Variants in TRAK1 observed in about 807,000 individuals in gnomAD.
TRAK1 encodes the protein trafficking kinesin-binding protein 1.
In TRAK1, 33 loss-of-function variants were observed where a neutral mutation model predicts 92.1. That is an observed-to-expected ratio of 0.36 (90% CI 0.27 to 0.48). The LOEUF is 0.48. Among genes scored for constraint, TRAK1 ranks in the 20% least tolerant of loss-of-function variants. The pLI, the probability that TRAK1 is intolerant of heterozygous loss-of-function variation, is 0.99. For missense variants in TRAK1, 1,123 were observed against 1,257.9 expected, an observed-to-expected ratio of 0.89 and a Z score of 1.62; for synonymous variants, 521 against 517.3, an observed-to-expected ratio of 1.01 and a Z score of -0.10.
chr3:42,210,077 A>C (rs1429307665), intron 14 of TRAK1, 92 bp downstream of exon 14: 2 of 1,582,456 alleles, frequency 1.3e-6, no homozygotes, highest in African/African-American at 3.0e-5. Flanking sequence ...AGGAGCCGCC[A>C]GCGGCCACGG....
At chr3:42,064,707 A>G (rs947791092) in intron 1 of TRAK1, among the ~76,000 whole-genome samples, 4 of 152,208 alleles carry the variant, frequency 2.6e-5, no homozygotes, top group Admixed American at 1.3e-4. Flanking sequence ...TTGTGAATTA[A>G]TTTTACCATA....
chr3:42,118,538 C>A (rs1291553045), intron 1 of TRAK1, among the ~76,000 whole-genome samples: 1 of 152,250 alleles, frequency 6.6e-6, no homozygotes, highest in Admixed American at 6.5e-5. Flanking sequence ...CAGTGCAAAT[C>A]CCTAGACGGA....
At chr3:42,147,082 T>G (rs1216175188) in intron 2 of TRAK1, among the ~76,000 whole-genome samples, 1 of 152,152 alleles carries the variant, frequency 6.6e-6, no homozygotes, top group Admixed American at 6.5e-5. Context: ...AGGGGCTGTT[T>G]GGGAGCTTGC....
upstream of TRAK1, chr3:42,087,301 C>T (rs1030504782): frequency 1.3e-5 from 2 of 152,852 alleles, no homozygotes; most frequent in African/African-American, 2.4e-5. Context: ...CCATGCAGTC[C>T]TAGCCTGCAG....
intron 14 of TRAK1, among the ~76,000 whole-genome samples, chr3:42,216,167 TCTC>T (rs956829341): frequency 3.3e-5 from 5 of 152,134 alleles, no homozygotes; most frequent in Middle Eastern, 3.2e-3. Context: ...TGTGTCCCCT[TCTC>T]CTCACTGTGA....
At chr3:42,144,792 TAA>T (rs1393991501) in intron 2 of TRAK1, among the ~76,000 whole-genome samples, 1 of 151,618 alleles carries the variant, frequency 6.6e-6, no homozygotes, top group East Asian at 1.9e-4. Flanking sequence ...CTGTTACATA[TAA>T]AATTGTACTG....
At chr3:42,052,629 C>T (rs558822496) in intron 1 of TRAK1, among the ~76,000 whole-genome samples, 6 of 152,030 alleles carry the variant, frequency 3.9e-5, no homozygotes, top group Non-Finnish European at 7.4e-5. Context: ...GGCTACTCTG[C>T]GTCATGTGAA....
chr3:42,123,983 ATAAAAT>A (rs1371994815), intron 1 of TRAK1, among the ~76,000 whole-genome samples: 2 of 152,216 alleles, frequency 1.3e-5, no homozygotes, highest in East Asian at 3.9e-4. Context: ...TCTACAAAAA[ATAAAAT>A]TAGCTGGGTT....
intron 11 of TRAK1, 39 bp from the exon 12 acceptor site, chr3:42,200,779 C>T (rs144726986): frequency 1.4e-5 from 23 of 1,604,714 alleles, no homozygotes; most frequent in East Asian, 8.9e-5. Context: ...GGGTTGTGCC[C>T]GCATTTGCTC....
rs1433350611 is a variant in TRAK1 at position 42,223,245 on chromosome 3, C to G, written c.2370C>G (p.Pro790=). Residue 790 remains proline, a synonymous_variant, in exon 16 of 16, where the codon CCC becomes CCG. Transcript: ENST00000327628. This position sits in a 1 kb window ranked among gnomAD's most constrained non-coding sequence, Gnocchi z 6.1. Reference sequence around the variant, plus strand: ...CGCCGAACTCGCCTATGCAGACACCCACATCCTCCCCACCCTCCTTTGAGT... The same window carrying G: ...CGCCGAACTCGCCTATGCAGACACCGACATCCTCCCCACCCTCCTTTGAGT... The part of the protein sequence containing the change: ...STPPNSPMQT[P]TSSPPSFEFK... 1.2e-6 allele frequency: 2 copies of G among 1,614,108 alleles called. No homozygotes were observed. Among genetic ancestry groups the G allele is most frequent in the Non-Finnish European group, 1.7e-6 (2 of 1,180,048 alleles).
chr3:42,082,247 A>G (rs534850392), upstream of TRAK1, among the ~76,000 whole-genome samples: 7 of 152,270 alleles, frequency 4.6e-5, no homozygotes, highest in South Asian at 1.2e-3. Context: ...CCCTCATTTT[A>G]TAGGTAGTGA....
chr3:42,063,211 TGCAAC>T (rs1703521191), intron 1 of TRAK1, among the ~76,000 whole-genome samples: 1 of 152,256 alleles, frequency 6.6e-6, no homozygotes, highest in African/African-American at 2.4e-5. Flanking sequence ...ACTGCGGAAT[TGCAAC>T]GGAGACTGTA....
intron 15 of TRAK1, 54 bp from the exon 16 acceptor site, chr3:42,222,888 T>C (rs1301593113): frequency 1.3e-6 from 2 of 1,569,570 alleles, no homozygotes. Context: ...CACTGACCCT[T>C]TCTCTGGAGC....
chr3:42,060,340 G>A (rs1201687872), intron 1 of TRAK1, among the ~76,000 whole-genome samples: 2 of 150,842 alleles, frequency 1.3e-5, no homozygotes, highest in African/African-American at 4.9e-5. Context: ...ACGGTGGGGG[G>A]TGGGGGGTGG....
At chr3:42,083,513 A>C (rs141777536), upstream of TRAK1, among the ~76,000 whole-genome samples, 2 of 152,160 alleles carry the variant, frequency 1.3e-5, no homozygotes, top group Non-Finnish European at 2.9e-5. Context: ...ATATCTGCCA[A>C]TTGTTTTTGT....
At chr3:42,022,493 G>A (rs117877305) in intron 1 of TRAK1, among the ~76,000 whole-genome samples, 4 of 150,914 alleles carry the variant, frequency 2.7e-5, no homozygotes, top group African/African-American at 7.4e-5. Flanking sequence ...AGGCCAAGGC[G>A]GGTGGATTGC....
chr3:42,135,007 T>C (rs1318562030), intron 2 of TRAK1, among the ~76,000 whole-genome samples: 2 of 152,074 alleles, frequency 1.3e-5, no homozygotes. Flanking sequence ...CCCAAAGCTA[T>C]GAAATTGCAG....
chr3:42,071,729 A>G (rs1261914351), intron 1 of TRAK1, among the ~76,000 whole-genome samples: 1 of 144,370 alleles, frequency 6.9e-6, no homozygotes, highest in African/African-American at 2.6e-5. Context: ...AAAGATACCC[A>G]CTCTCTCTCC....
chr3:42,099,906 C>T (rs1329996780), intron 1 of TRAK1, among the ~76,000 whole-genome samples: 3 of 152,004 alleles, frequency 2.0e-5, no homozygotes, highest in Admixed American at 6.6e-5. Flanking sequence ...CTTCCTTTGC[C>T]TTTAATTTGA....
Sources: allele counts gnomAD v4.1 joint callset (sites outside exome capture counted in the v4.1 genomes callset), GRCh38; gene constraint gnomAD v4.1.1; non-coding constraint Gnocchi (gnomAD v3.1); transcripts MANE v1.5; gene names NCBI Gene and HGNC (gene_info 2026-07-23, HGNC 2026-07-21).